FAM227B: variants seen among roughly 807,000 people sequenced by gnomAD.
FAM227B encodes the protein family with sequence similarity 227 member B.
Under a neutral mutation model 73.8 loss-of-function variants are expected in FAM227B, and 88 were observed. That is an observed-to-expected ratio of 1.19 (90% CI 1.00 to 1.42). The LOEUF is 1.42. Ranked by LOEUF, FAM227B falls within the 40% of genes most tolerant of loss-of-function variation. The pLI is 0.00. For synonymous variants in FAM227B, 210 were observed against 190.5 expected, an observed-to-expected ratio of 1.10 and a Z score of -0.84; for missense variants, 632 against 590.9, an observed-to-expected ratio of 1.07 and a Z score of -0.72.
intron 9 of FAM227B, among the ~76,000 whole-genome samples, chr15:49,554,831 G>C (rs538000710): frequency 6.6e-6 from 1 of 151,914 alleles, no homozygotes; most frequent in African/African-American, 2.4e-5. Flanking sequence ...GTGTTCTTGT[G>C]GGGGGACAAT....
chr15:49,448,036 G>A (rs1161854659), intron 11 of FAM227B, among the ~76,000 whole-genome samples: 1 of 151,536 alleles, frequency 6.6e-6, no homozygotes, highest in Non-Finnish European at 1.5e-5. Context: ...TTTAATGTCC[G>A]AGAGCATATA....
chr15:49,550,439 T>TC (rs1364399584), intron 9 of FAM227B, among the ~76,000 whole-genome samples: 1 of 151,384 alleles, frequency 6.6e-6, no homozygotes, highest in Non-Finnish European at 1.5e-5. Flanking sequence ...GCTCCTCACT[T>TC]CCCAGACGGG....
intron 11 of FAM227B, among the ~76,000 whole-genome samples, chr15:49,439,843 CA>C (rs2051468350): frequency 6.6e-6 from 1 of 151,684 alleles, no homozygotes; most frequent in Non-Finnish European, 1.5e-5. Context: ...GAAACAAAGA[CA>C]ACTCCACTCT....
At position 49,488,598 on chromosome 15, in the gene FAM227B, TATC is replaced by T. The variant is rs534774627; in HGVS notation, c.1012+19610_1012+19612del. The T allele has an allele frequency of 3.5e-4, 54 of 152,122 alleles. No individual in the cohort carries two copies. The East Asian group carries it at 0.01, about 29-fold the overall frequency. The allele number at this position is 152,122 out of a possible 1,614,324, so 9.4% of individuals were successfully genotyped here. On this transcript the variant is annotated intron_variant, in intron 11 of 15. Transcript: ENST00000299338. ...CATGTGGTTGCATTTTCCAAGTTCT[TATC>T]ATTGAATTTATGAGAGCCTATCAAA...
At chr15:49,495,628 C>T (rs2057532950) in intron 11 of FAM227B, among the ~76,000 whole-genome samples, 1 of 152,126 alleles carries the variant, frequency 6.6e-6, no homozygotes, top group Admixed American at 6.5e-5. Flanking sequence ...ATTTTACTGG[C>T]TTAGTTCTCA....
In FAM227B at chr15:49,356,181, A is replaced by G. The variant is rs1354119583; in HGVS notation, c.1271+11267T>C. On this transcript the variant is annotated intron_variant, in intron 13 of 15. Transcript: ENST00000299338. The stretch of plus-strand genomic sequence containing the variant: ...TCGAGACTAGGAAGAAACTGCATCA[A>G]CTAACGAGCAAAATAACCAGCTAAC... Among the ~76,000 whole-genome samples, 3 of 152,190 alleles carry G rather than the reference A, an allele frequency of 2.0e-5. No individual in the cohort carries two copies. The East Asian group carries it at 5.8e-4, about 29-fold the overall frequency.
At chr15:49,613,660 C>T (rs2078100950) in intron 2 of FAM227B, among the ~76,000 whole-genome samples, 1 of 151,970 alleles carries the variant, frequency 6.6e-6, no homozygotes, top group Non-Finnish European at 1.5e-5. Context: ...GTGATAAATG[C>T]TTGAAATGAT....
intron 5 of FAM227B, among the ~76,000 whole-genome samples, 153 bp from the exon 6 acceptor site, chr15:49,577,817 T>C (rs563513969): frequency 1.3e-5 from 2 of 152,308 alleles, no homozygotes; most frequent in East Asian, 1.9e-4. Context: ...GTGTTTGATA[T>C]TGGAAATTCA....
chr15:49,568,777 G>A (rs2074863313), intron 8 of FAM227B, among the ~76,000 whole-genome samples: 1 of 151,864 alleles, frequency 6.6e-6, no homozygotes, highest in Non-Finnish European at 1.5e-5. Flanking sequence ...TGTTGCTTTT[G>A]ATTTGCTAGT....
At chr15:49,456,372 T>C (rs922908846) in intron 11 of FAM227B, among the ~76,000 whole-genome samples, 3 of 152,120 alleles carry the variant, frequency 2.0e-5, no homozygotes, top group Admixed American at 2.0e-4. Flanking sequence ...GTGTCTTATA[T>C]GACAAGTCAT....
At chr15:49,397,731 C>G in intron 11 of FAM227B, among the ~76,000 whole-genome samples, 1 of 152,130 alleles carries the variant, frequency 6.6e-6, no homozygotes, top group Non-Finnish European at 1.5e-5. Flanking sequence ...CCCAGAATTT[C>G]ATATCCAGCC....
chr15:49,355,042 A>C (rs889276165), intron 13 of FAM227B, among the ~76,000 whole-genome samples: 23 of 151,320 alleles, frequency 1.5e-4, no homozygotes, highest in Middle Eastern at 3.4e-3. Context: ...CTCTGTTAGA[A>C]GGAAAACTAA....
chr15:49,360,076 CTG>C (rs1481590561), intron 13 of FAM227B, among the ~76,000 whole-genome samples: 1 of 113,248 alleles, frequency 8.8e-6, no homozygotes, highest in Non-Finnish European at 1.7e-5. Flanking sequence ...ATATCACACT[CTG>C]GGGACTGTTG....
intron 5 of FAM227B, among the ~76,000 whole-genome samples, chr15:49,584,121 A>G (rs1458276653): frequency 2.6e-5 from 4 of 152,190 alleles, no homozygotes; most frequent in Non-Finnish European, 4.4e-5. Context: ...TCAACAAAAT[A>G]CTGGCAAATT....
chr15:49,513,066 C>T (rs2059129388), intron 10 of FAM227B, among the ~76,000 whole-genome samples: 1 of 152,086 alleles, frequency 6.6e-6, no homozygotes, highest in Non-Finnish European at 1.5e-5. Context: ...AATAAACATA[C>T]ATGTGCATGT....
At chr15:49,542,142 A>G (rs2071157415) in intron 9 of FAM227B, among the ~76,000 whole-genome samples, 1 of 152,032 alleles carries the variant, frequency 6.6e-6, no homozygotes, top group Non-Finnish European at 1.5e-5. Flanking sequence ...TTTAACTTTT[A>G]TTTTATATTC....
chr15:49,406,612 C>T (rs2048529048), intron 11 of FAM227B, among the ~76,000 whole-genome samples: 1 of 151,822 alleles, frequency 6.6e-6, no homozygotes, highest in Admixed American at 6.6e-5. Context: ...AAGTGCCGGC[C>T]AAGGCTCCAA....
chr15:49,395,736 C>T (rs987360481), intron 11 of FAM227B, among the ~76,000 whole-genome samples: 1 of 152,210 alleles, frequency 6.6e-6, no homozygotes, highest in African/African-American at 2.4e-5. Context: ...ACAGTTCTTA[C>T]AGCGACTACG....
chr15:49,405,262 G>C (rs2048438376), intron 11 of FAM227B, among the ~76,000 whole-genome samples: 1 of 152,068 alleles, frequency 6.6e-6, no homozygotes, highest in Non-Finnish European at 1.5e-5. Context: ...ATATCTTACT[G>C]GGGTTCTCTG....
Sources: gnomAD v4.1 joint callset for allele counts (sites outside exome capture counted in the v4.1 genomes callset) on GRCh38, gnomAD v4.1.1 for gene constraint, MANE v1.5 for transcripts, NCBI Gene and HGNC (gene_info 2026-07-23, HGNC 2026-07-21) for gene names.